Variants in ANKRD26 observed in about 807,000 individuals in gnomAD.
ANKRD26 encodes ankyrin repeat domain 26, also known as ankyrin repeat domain-containing protein 26.
A neutral mutation model predicts 208.7 loss-of-function variants in ANKRD26; 141 were observed. The ratio of observed to expected loss-of-function variants is 0.68; its 90% CI spans 0.59 to 0.78. The LOEUF is 0.78. Among genes scored for constraint, ANKRD26 ranks in the 30% least tolerant of loss-of-function variants. The probability of loss-of-function intolerance (pLI) is 0.00; values close to 1 mark genes in which losing one functional copy is unlikely to be tolerated. For missense variants in ANKRD26, 1,889 were observed against 1,938.7 expected (o/e 0.97, Z 0.48); for synonymous variants, 636 against 660.4 (o/e 0.96, Z 0.57).
chr10:27,066,685 T>A, intron 10 of ANKRD26, 137 bp from the exon 11 acceptor site: 3 of 591,348 alleles, frequency 5.1e-6, no homozygotes, highest in Non-Finnish European at 8.1e-6. Flanking sequence ...AAAAAAAGAA[T>A]TTCACAAGGT....
At chr10:27,096,847 G>A (rs984726601) in intron 1 of ANKRD26, among the ~76,000 whole-genome samples, 16 of 151,078 alleles carry the variant, frequency 1.1e-4, no homozygotes, top group African/African-American at 3.9e-4. Flanking sequence ...CAAAGATCAA[G>A]TCTATATTCT....
chr10:27,098,715 A>AT (rs1052131123), intron 1 of ANKRD26, among the ~76,000 whole-genome samples: 9 of 151,224 alleles, frequency 6.0e-5, no homozygotes, highest in African/African-American at 2.2e-4. Flanking sequence ...TGCCCGGCTG[A>AT]TTTTTTTGTA....
chr10:26,977,195 C>A (rs568325111), intron 5 of ANKRD26, among the ~76,000 whole-genome samples: 1 of 152,308 alleles, frequency 6.6e-6, no homozygotes, highest in South Asian at 2.1e-4. Context: ...AGGACCGGAA[C>A]TTTTTGTGCA....
intron 16 of ANKRD26, chr10:27,051,271 G>C: frequency 1.6e-6 from 2 of 1,289,382 alleles, no homozygotes; most frequent in South Asian, 1.2e-5. Context: ...TCATATAATG[G>C]CTTCTGGAAC....
chr10:27,086,523 C>T lies in ANKRD26; in HGVS notation c.709+16G>A. 6.2e-7 allele frequency: 1 copy of T among 1,604,268 alleles called. No homozygotes were observed. Among genetic ancestry groups the T allele is most frequent in the Non-Finnish European group, 8.5e-7 (1 of 1,174,356 alleles). On this transcript the variant is annotated intron_variant, in intron 5 of 33. Transcript: ENST00000376087. ...TGGTACTATTACCAAGAGAAATTCA[C>T]TATTGGAAGTCTTACCTGAATTACT...
intron 29 of ANKRD26, among the ~76,000 whole-genome samples, chr10:27,018,166 G>A (rs1262181199): frequency 9.2e-6 from 1 of 108,750 alleles, no homozygotes; most frequent in African/African-American, 3.8e-5. Flanking sequence ...TTTTAGTCTT[G>A]CTCTGTCGCC....
Position 27,086,559 on chromosome 10 carries a change from G to T in ANKRD26, c.689C>A (p.Ser230Tyr). ...EYKEERIPKH[S>Y]SQNSNSVDES... ...CTTACCTGAATTACTATTTTGAGAAGAATGTTTAGGTATCCTTTCTTCTTT... is the reference window on the plus strand; with the variant it reads ...CTTACCTGAATTACTATTTTGAGAATAATGTTTAGGTATCCTTTCTTCTTT... The change falls in exon 5 of 34, where the codon TCT becomes TAT. Residue 230 changes from serine (S) to tyrosine (Y), a missense_variant. Around this residue, in one of 3 missense-constraint regions of ANKRD26, gnomAD observed 1,272 missense variants for 1,273.8 expected, o/e 1.00. Coordinates refer to ENST00000376087, the MANE Select transcript of ANKRD26 (RefSeq NM_014915.3). The T allele has an allele frequency of 1.2e-6, 2 of 1,605,768 alleles. No homozygotes were observed. The highest frequency in any genetic ancestry group is 1.7e-6 in the Non-Finnish European group (2 of 1,174,882).
intron 5 of ANKRD26, among the ~76,000 whole-genome samples, chr10:26,979,200 C>T (rs1260680441): frequency 6.6e-6 from 1 of 152,114 alleles, no homozygotes; most frequent in Non-Finnish European, 1.5e-5. Flanking sequence ...AGCCAGGCGA[C>T]AGAGCGAGAC....
In ANKRD26 at chr10:27,061,215, C is replaced by T. The variant is rs2055043133; in HGVS notation, c.1391G>A (p.Ser464Asn). The T allele has an allele frequency of 6.2e-7, 1 of 1,608,944 alleles. No individual in the cohort carries two copies. The highest frequency in any genetic ancestry group is 8.5e-7 in the Non-Finnish European group (1 of 1,175,900). ...AGCCATCTTAAAGTTTCTTGATCCA[C>T]TCATGCAAGAAGGTATATAAAACAC... is the stretch of plus-strand genomic sequence containing the variant. ...EDVFYIPSCM[S>N]GSRNFKMAKL... The change falls in exon 13 of 34, where the codon AGT becomes AAT. Residue 464 changes from serine (S) to asparagine (N), a missense_variant. Physicochemically the swap from Ser to Asn is conservative, Grantham distance 46. Coordinates refer to ENST00000376087, the MANE Select transcript of ANKRD26 (RefSeq NM_014915.3).
chr10:27,023,291 G>A (rs551579193), intron 28 of ANKRD26, among the ~76,000 whole-genome samples: 6 of 151,532 alleles, frequency 4.0e-5, no homozygotes, highest in Middle Eastern at 3.4e-3. Context: ...GCAGTGGGCC[G>A]AGACTGCACC....
At chr10:27,094,997 CT>C (rs2056420914) in intron 1 of ANKRD26, among the ~76,000 whole-genome samples, 1 of 136,178 alleles carries the variant, frequency 7.3e-6, no homozygotes. Context: ...GAGACCCTGT[CT>C]ACAAAAAAAA....
intron 11 of ANKRD26, 113 bp from the exon 12 acceptor site, chr10:27,064,194 G>A: frequency 1.2e-6 from 1 of 849,164 alleles, no homozygotes; most frequent in Non-Finnish European, 1.8e-6. Context: ...AAAGCAATTA[G>A]GCTTAAAAAT....
chr10:27,067,817 T>G (rs1281956905), intron 9 of ANKRD26, among the ~76,000 whole-genome samples: 1 of 152,104 alleles, frequency 6.6e-6, no homozygotes, highest in Non-Finnish European at 1.5e-5. Flanking sequence ...ACTTCCAAAC[T>G]ATACCAGTCA....
chr10:27,079,692 A>G (rs2055832351), intron 6 of ANKRD26, among the ~76,000 whole-genome samples: 1 of 152,006 alleles, frequency 6.6e-6, no homozygotes, highest in Non-Finnish European at 1.5e-5. Context: ...TGTCTCTACT[A>G]AAATACAAAA....
chr10:27,076,609 T>C (rs1050278411), intron 9 of ANKRD26, among the ~76,000 whole-genome samples: 3 of 152,028 alleles, frequency 2.0e-5, no homozygotes, highest in Middle Eastern at 6.8e-3. Context: ...CTAGCTACAT[T>C]AACTAAGAAA....
Position 27,037,984 on chromosome 10 carries a change from A to T in ANKRD26, c.2446T>A (p.Leu816Ile). Residue 816 changes from leucine (L) to isoleucine (I), a missense_variant, in exon 22 of 34, where the codon TTA becomes ATA. Physicochemically the swap from Leu to Ile is conservative, Grantham distance 5 (BLOSUM62 2). This residue lies in a region of ANKRD26 where 1,272 missense variants were observed against 1,273.8 expected (regional missense o/e 1.00). Transcript: ENST00000376087. ...CTATATTGCTCTTCTTTTCTTCTTAACTGTTCCCTAATTTTTTCATACAAC... is the reference window on the plus strand; with the variant it reads ...CTATATTGCTCTTCTTTTCTTCTTATCTGTTCCCTAATTTTTTCATACAAC... ...DTLYEKIREQLRRKEEQYRKE... is the reference protein window; with the variant it reads ...DTLYEKIREQIRRKEEQYRKE... The T allele has an allele frequency of 6.2e-7, 1 of 1,612,906 alleles. No homozygotes were observed. The highest frequency in any genetic ancestry group is 8.5e-7 in the Non-Finnish European group (1 of 1,179,698).
intron 5 of ANKRD26, among the ~76,000 whole-genome samples, chr10:26,993,074 G>T (rs576459367): frequency 6.6e-6 from 1 of 152,088 alleles, no homozygotes; most frequent in Non-Finnish European, 1.5e-5. Flanking sequence ...CATATAACAC[G>T]TTCAATAGCT....
chr10:27,061,394 T>C, intron 12 of ANKRD26, 152 bp from the exon 13 acceptor site: 1 of 548,822 alleles, frequency 1.8e-6, no homozygotes, highest in East Asian at 3.1e-5. Context: ...AAAATAACAA[T>C]TTTAGTATTC....
chr10:26,964,133 T>C, the ANKRD26 span, among the ~76,000 whole-genome samples: 2 of 151,928 alleles, frequency 1.3e-5, no homozygotes, highest in African/African-American at 4.8e-5. Context: ...GGTCTCAAAC[T>C]CCTAACATCA....
Sources: allele counts gnomAD v4.1 joint callset (sites outside exome capture counted in the v4.1 genomes callset), GRCh38; gene constraint gnomAD v4.1.1; regional missense constraint gnomAD v4.1.1; transcripts MANE v1.5; gene names NCBI Gene and HGNC (gene_info 2026-07-23, HGNC 2026-07-21).